IL1RAPL2: variants seen among roughly 807,000 people sequenced by gnomAD.
The protein encoded by IL1RAPL2 is X-linked interleukin-1 receptor accessory protein-like 2.
In IL1RAPL2, 3 loss-of-function variants were observed where a neutral mutation model predicts 44.1. The observed-to-expected ratio is 0.07, with a 90% confidence interval of 0.03 to 0.18. IL1RAPL2 has a LOEUF of 0.18. Ranked by LOEUF, IL1RAPL2 falls within the 10% of genes least tolerant of loss-of-function variation. The pLI is 1.00. For missense variants in IL1RAPL2, 391 were observed against 496.4 expected (o/e 0.79, Z 2.02); for synonymous variants, 181 against 178.8 (o/e 1.01, Z -0.10).
chrX:105,686,660 TCAA>T (rs1387577877), intron 6 of IL1RAPL2, among the ~76,000 whole-genome samples: 1 of 111,110 alleles, frequency 9.0e-6, no homozygotes, highest in African/African-American at 3.3e-5. Context: ...ATTAGACAGA[TCAA>T]CGAGACAGAA....
chrX:104,991,909 C>A (rs773425625), intron 2 of IL1RAPL2, among the ~76,000 whole-genome samples: 59 of 110,887 alleles, frequency 5.3e-4, no homozygotes, highest in Non-Finnish European at 9.8e-4. Flanking sequence ...TGAGCAAAAC[C>A]GAAAATAATC....
chrX:105,320,109 G>T (rs988573931), intron 5 of IL1RAPL2, among the ~76,000 whole-genome samples: 1 of 110,820 alleles, frequency 9.0e-6, no homozygotes, highest in Non-Finnish European at 1.9e-5. Context: ...CATAATCATG[G>T]TTAACTAACA....
chrX:104,778,161 TTTAAG>T (rs1932749854), intron 2 of IL1RAPL2, among the ~76,000 whole-genome samples: 1 of 111,063 alleles, frequency 9.0e-6, no homozygotes, highest in Admixed American at 9.6e-5. Flanking sequence ...GATATGTTTA[TTTAAG>T]TTGTTTGCCC....
At chrX:105,491,861 A>AT (rs773137635) in intron 6 of IL1RAPL2, among the ~76,000 whole-genome samples, 104 of 111,747 alleles carry the variant, frequency 9.3e-4, no homozygotes, top group South Asian at 1.5e-3. Flanking sequence ...TTGTTTTGAG[A>AT]TTTTTAAGAA....
At chrX:105,029,751 C>T (rs1157421975) in intron 2 of IL1RAPL2, among the ~76,000 whole-genome samples, 1 of 110,883 alleles carries the variant, frequency 9.0e-6, no homozygotes, top group Non-Finnish European at 1.9e-5. Flanking sequence ...ATTTATAATC[C>T]TTTGGGTATA....
At chrX:104,823,828 T>C (rs1300393704) in intron 2 of IL1RAPL2, among the ~76,000 whole-genome samples, 1 of 112,289 alleles carries the variant, frequency 8.9e-6, no homozygotes, top group East Asian at 2.8e-4. Context: ...TCATGTCATC[T>C]GCAAACAGGG....
intron 2 of IL1RAPL2, among the ~76,000 whole-genome samples, chrX:105,144,639 T>C (rs2033162717): frequency 9.0e-6 from 1 of 111,612 alleles, no homozygotes; most frequent in Admixed American, 9.6e-5. Context: ...GTAACCCAAG[T>C]GATTTGATGC....
intron 5 of IL1RAPL2, among the ~76,000 whole-genome samples, chrX:105,282,169 T>A (rs1157942903): frequency 8.9e-6 from 1 of 111,861 alleles, no homozygotes; most frequent in Non-Finnish European, 1.9e-5. Flanking sequence ...CCAGCAAGAA[T>A]TTTAAGGGAT....
intron 5 of IL1RAPL2, among the ~76,000 whole-genome samples, chrX:105,379,128 G>T (rs774422169): frequency 9.0e-6 from 1 of 111,463 alleles, no homozygotes; most frequent in Non-Finnish European, 1.9e-5. Context: ...TTCTATGGGG[G>T]GTCGAAACTA....
At chrX:104,743,233 A>G (rs773884975) in intron 2 of IL1RAPL2, among the ~76,000 whole-genome samples, 1 of 110,819 alleles carries the variant, frequency 9.0e-6, no homozygotes, top group African/African-American at 3.3e-5. Context: ...ATATATTTCA[A>G]AGTTATTATT....
Position 105,048,176 on chromosome X carries a change from G to A in IL1RAPL2, c.83-147299G>A, listed in dbSNP as rs867831134. ...ACCACAGCTGTGAGGGGACAAGTTG[G>A]TTCCTCAAAAGATATTAATGAGGTT... On this transcript the variant is annotated intron_variant, in intron 2 of 10. Transcript: ENST00000372582. Among the ~76,000 whole-genome samples the A allele has an allele frequency of 5.4e-5, 6 of 111,982 alleles. No homozygotes were observed. The South Asian group carries it at 1.5e-3, about 28-fold the overall frequency.
At chrX:105,617,006 C>T (rs1222086266) in intron 6 of IL1RAPL2, among the ~76,000 whole-genome samples, 1 of 110,113 alleles carries the variant, frequency 9.1e-6, no homozygotes, top group African/African-American at 3.3e-5. Flanking sequence ...TTTCCCCATA[C>T]ATAAAATGGG....
intron 6 of IL1RAPL2, among the ~76,000 whole-genome samples, chrX:105,640,719 C>T (rs2037560976): frequency 1.1e-5 from 1 of 93,803 alleles, no homozygotes; most frequent in Admixed American, 1.2e-4. Context: ...TATATACACA[C>T]ACATATCTAT....
chrX:105,766,240 C>T (rs1370747775), intron 10 of IL1RAPL2, among the ~76,000 whole-genome samples: 2 of 111,906 alleles, frequency 1.8e-5, no homozygotes, highest in African/African-American at 3.3e-5. Context: ...CCCCCACCTC[C>T]GACTCTACTC....
At chrX:104,844,584 A>T (rs1434691428) in intron 2 of IL1RAPL2, among the ~76,000 whole-genome samples, 3 of 98,657 alleles carry the variant, frequency 3.0e-5, no homozygotes, top group Non-Finnish European at 6.1e-5. Flanking sequence ...CACTAATAGG[A>T]ACAATAGATC....
chrX:105,101,330 A>T (rs770728648), intron 2 of IL1RAPL2, among the ~76,000 whole-genome samples: 2 of 112,200 alleles, frequency 1.8e-5, no homozygotes, highest in Admixed American at 1.9e-4. Context: ...AAAACCCTAA[A>T]GTAAGGACAA....
At chrX:104,663,646 G>A (rs1300357876) in intron 2 of IL1RAPL2, among the ~76,000 whole-genome samples, 1 of 108,414 alleles carries the variant, frequency 9.2e-6, no homozygotes, top group East Asian at 2.9e-4. Context: ...TTTAATTAGG[G>A]TGACTTCTCT....
At chrX:105,623,237 T>C (rs1377003619) in intron 6 of IL1RAPL2, among the ~76,000 whole-genome samples, 1 of 110,082 alleles carries the variant, frequency 9.1e-6, no homozygotes, top group Non-Finnish European at 1.9e-5. Context: ...GTCACATAAC[T>C]AATTGGTGGC....
chrX:105,044,277 T>C (rs2031805979), intron 2 of IL1RAPL2, among the ~76,000 whole-genome samples: 1 of 111,053 alleles, frequency 9.0e-6, no homozygotes, highest in African/African-American at 3.3e-5. Flanking sequence ...GCCTACCAGA[T>C]CCTCCCAAGT....
Sources: allele counts gnomAD v4.1 joint callset (sites outside exome capture counted in the v4.1 genomes callset), GRCh38; gene constraint gnomAD v4.1.1; transcripts MANE v1.5; gene names NCBI Gene and HGNC (gene_info 2026-07-23, HGNC 2026-07-21).